EPHA3: variants seen among roughly 807,000 people sequenced by gnomAD.
The protein encoded by EPHA3 is ephrin type-A receptor 3.
In EPHA3, 42 loss-of-function variants were observed where a neutral mutation model predicts 107.1. The ratio of observed to expected loss-of-function variants is 0.39; its 90% CI spans 0.31 to 0.51. EPHA3 has a LOEUF of 0.51. Among genes scored for constraint, EPHA3 ranks in the 20% least tolerant of loss-of-function variants. The probability of loss-of-function intolerance (pLI) is 0.78; values close to 1 mark genes in which losing one functional copy is unlikely to be tolerated. For synonymous variants in EPHA3, 461 were observed against 424.8 expected, an observed-to-expected ratio of 1.09 and a Z score of -1.05; for missense variants, 1,183 against 1,211.2, an observed-to-expected ratio of 0.98 and a Z score of 0.35.
In EPHA3 at chr3:89,233,690, A is replaced by G. The variant is rs373742462; in HGVS notation, c.814+23170A>G. ...TTCTAACCAAAGGCTGGAGTATAGTACTAGCCCTCTTTAAGGGAAACGGTG... is the reference window on the plus strand; with the variant it reads ...TTCTAACCAAAGGCTGGAGTATAGTGCTAGCCCTCTTTAAGGGAAACGGTG... On this transcript the variant is annotated intron_variant, in intron 3 of 16. Transcript: ENST00000336596. Among the ~76,000 whole-genome samples, 5 of 152,310 alleles carry G rather than the reference A, an allele frequency of 3.3e-5. No individual in the cohort carries two copies. In the South Asian group the frequency reaches 1.0e-3, roughly 32 times the overall value.
intron 13 of EPHA3, among the ~76,000 whole-genome samples, chr3:89,439,550 C>T (rs527723356): frequency 8.3e-4 from 127 of 152,170 alleles, no homozygotes; most frequent in Non-Finnish European, 1.4e-3. Flanking sequence ...AATTTACCAT[C>T]GCTTCTTCAA....
chr3:89,450,645 G>T (rs1709967317), intron 15 of EPHA3, among the ~76,000 whole-genome samples: 2 of 152,256 alleles, frequency 1.3e-5, no homozygotes, highest in South Asian at 2.1e-4. Flanking sequence ...TACTGGAGGG[G>T]TGCGGTGGCT....
At chr3:89,350,894 C>T (rs908335331) in intron 5 of EPHA3, among the ~76,000 whole-genome samples, 7 of 151,250 alleles carry the variant, frequency 4.6e-5, no homozygotes, top group Non-Finnish European at 1.0e-4. Flanking sequence ...TGTCAGTGTG[C>T]CCCTGCTGGG....
chr3:89,429,251 T>G, intron 12 of EPHA3, 84 bp downstream of exon 12: 1 of 1,022,508 alleles, frequency 9.8e-7, no homozygotes, highest in Admixed American at 2.1e-5. Flanking sequence ...GCCAAGCAAT[T>G]CAGTAATCTA....
intron 3 of EPHA3, among the ~76,000 whole-genome samples, chr3:89,274,747 G>A (rs932961044): frequency 7.9e-5 from 12 of 151,990 alleles, no homozygotes; most frequent in South Asian, 2.1e-4. Flanking sequence ...AGAATGGACA[G>A]CGATTTAGAA....
At chr3:89,295,666 G>T (rs566720126) in intron 3 of EPHA3, among the ~76,000 whole-genome samples, 1 of 151,884 alleles carries the variant, frequency 6.6e-6, no homozygotes, top group African/African-American at 2.4e-5. Context: ...ATCTCAGCTC[G>T]CTGCAACCTC....
chr3:89,222,368 T>C (rs529047343), intron 3 of EPHA3, among the ~76,000 whole-genome samples: 183 of 147,622 alleles, frequency 1.2e-3, no homozygotes, highest in Non-Finnish European at 2.4e-3. Flanking sequence ...TATGTATATG[T>C]ATATACCTAT....
At chr3:89,240,520 T>G (rs540045161) in intron 3 of EPHA3, among the ~76,000 whole-genome samples, 2 of 152,188 alleles carry the variant, frequency 1.3e-5, no homozygotes, top group South Asian at 4.1e-4. Context: ...TTTATGATAG[T>G]CAAATATTTC....
chr3:89,206,927 G>A (rs556421283), intron 2 of EPHA3, among the ~76,000 whole-genome samples: 14 of 152,000 alleles, frequency 9.2e-5, no homozygotes, highest in Non-Finnish European at 1.3e-4. Flanking sequence ...AACTTGTTTC[G>A]TTGTTGAATC....
intron 1 of EPHA3, among the ~76,000 whole-genome samples, chr3:89,111,425 G>C (rs1033843649): frequency 6.6e-6 from 1 of 151,772 alleles, no homozygotes; most frequent in Non-Finnish European, 1.5e-5. Flanking sequence ...GCTTTTCATA[G>C]CATTTCATCA....
At chr3:89,327,671 G>GT (rs1442599542) in intron 3 of EPHA3, among the ~76,000 whole-genome samples, 2 of 152,026 alleles carry the variant, frequency 1.3e-5, no homozygotes, top group South Asian at 2.1e-4. Flanking sequence ...AGTATGGAAA[G>GT]TTTTTTTAGG....
rs1704981007 is a variant in EPHA3 at position 89,244,361 on chromosome 3, T to C, written c.814+33841T>C. Among the ~76,000 whole-genome samples the C allele has an allele frequency of 2.0e-5, 3 of 152,060 alleles. No homozygotes were observed. In the South Asian group the frequency reaches 6.2e-4, roughly 32 times the overall value. ...TGAAATATATGCTAATATCTAAAAA[T>C]TTTAAGTAGTAAGATTTCTAAAATG... On this transcript the variant is annotated intron_variant, in intron 3 of 16. Transcript: ENST00000336596.
intron 3 of EPHA3, among the ~76,000 whole-genome samples, chr3:89,228,299 A>G (rs1704546208): frequency 6.6e-6 from 1 of 151,952 alleles, no homozygotes; most frequent in Non-Finnish European, 1.5e-5. Context: ...AATATTGAAG[A>G]TGATATAGTG....
chr3:89,413,395 T>A, intron 10 of EPHA3, 129 bp downstream of exon 10: 1 of 1,167,192 alleles, frequency 8.6e-7, no homozygotes, highest in African/African-American at 1.5e-5. Context: ...AAGTAATAAA[T>A]AAGTGCAATA....
At chr3:89,345,729 T>G (rs1312236774) in intron 5 of EPHA3, among the ~76,000 whole-genome samples, 1 of 145,444 alleles carries the variant, frequency 6.9e-6, no homozygotes, top group Non-Finnish European at 1.5e-5. Flanking sequence ...ACTCGTCATC[T>G]AGCATTAGGT....
intron 2 of EPHA3, among the ~76,000 whole-genome samples, chr3:89,194,224 A>G (rs557484530): frequency 6.6e-6 from 1 of 152,130 alleles, no homozygotes; most frequent in Admixed American, 6.6e-5. Flanking sequence ...ACAAAACGAT[A>G]TTTTAATAAG....
At chr3:89,291,792 T>G (rs1706211958) in intron 3 of EPHA3, among the ~76,000 whole-genome samples, 1 of 152,174 alleles carries the variant, frequency 6.6e-6, no homozygotes, top group Non-Finnish European at 1.5e-5. Flanking sequence ...TCACATTTGG[T>G]CTGGTTTATA....
chr3:89,438,942 TA>T (rs1709726662), intron 13 of EPHA3, among the ~76,000 whole-genome samples: 1 of 152,176 alleles, frequency 6.6e-6, no homozygotes, highest in South Asian at 2.1e-4. Context: ...TTTAAACATG[TA>T]AAAAACAACT....
chr3:89,413,411 T>C lies in EPHA3; in HGVS notation c.1888+145T>C, dbSNP rs917248577. ...AGTAATAAATAAGTGCAATATTTAATGGAATGTAATGAGTTCAAAGGTGCC... is the reference window on the plus strand; with the variant it reads ...AGTAATAAATAAGTGCAATATTTAACGGAATGTAATGAGTTCAAAGGTGCC... On this transcript the variant is annotated intron_variant, in intron 10 of 16. Transcript: ENST00000336596. 6.8e-6 allele frequency: 7 copies of C among 1,033,610 alleles called. No homozygotes were observed. The African/African-American group carries it at 1.1e-4, about 17-fold the overall frequency. The allele number at this position is 1,033,610 out of a possible 1,614,324, so 64.0% of individuals were successfully genotyped here. A position where few individuals can be genotyped will look rare whatever the true frequency, so the allele number is the denominator to read the frequency against.
Sources: gnomAD v4.1 joint callset for allele counts (sites outside exome capture counted in the v4.1 genomes callset) on GRCh38, gnomAD v4.1.1 for gene constraint, MANE v1.5 for transcripts, NCBI Gene and HGNC (gene_info 2026-07-23, HGNC 2026-07-21) for gene names.